OPCML: variants seen among roughly 807,000 people sequenced by gnomAD.
OPCML encodes opioid-binding protein/cell adhesion molecule.
OPCML carries 13 observed loss-of-function variants against 37.8 expected under a neutral mutation model. The observed-to-expected ratio is 0.34, with a 90% CI of 0.22 to 0.55. OPCML has a LOEUF of 0.55. Ranked by LOEUF, OPCML falls within the 20% of genes least tolerant of loss-of-function variation. The probability of loss-of-function intolerance (pLI) is 0.91; values close to 1 mark genes in which losing one functional copy is unlikely to be tolerated. For synonymous variants in OPCML, 176 were observed against 168.8 expected (o/e 1.04, Z -0.33); for missense variants, 341 against 435.6 (o/e 0.78, Z 1.93).
At chr11:132,826,442 A>AC (rs1591661918) in intron 2 of OPCML, among the ~76,000 whole-genome samples, 1 of 152,236 alleles carries the variant, frequency 6.6e-6, no homozygotes, top group East Asian at 1.9e-4. Flanking sequence ...TAGTGAAATA[A>AC]CCCCCAGTGA....
intron 1 of OPCML, among the ~76,000 whole-genome samples, chr11:133,345,991 G>A (rs1943993982): frequency 6.6e-6 from 1 of 152,196 alleles, no homozygotes; most frequent in South Asian, 2.1e-4. Flanking sequence ...TCAGAAGCCA[G>A]AAGATTTTAC....
intron 4 of OPCML, among the ~76,000 whole-genome samples, chr11:132,509,043 G>T (rs2096263329): frequency 6.6e-6 from 1 of 152,184 alleles, no homozygotes. Flanking sequence ...TGCCAATAAT[G>T]ATATGAATAA....
At chr11:133,483,412 TTAAA>T (rs1260344205) in intron 1 of OPCML, among the ~76,000 whole-genome samples, 1 of 151,646 alleles carries the variant, frequency 6.6e-6, no homozygotes, top group Non-Finnish European at 1.5e-5. Context: ...GATTGATAGA[TTAAA>T]TAGATAGATA....
At chr11:132,687,926 C>T (rs1019842198) in intron 2 of OPCML, among the ~76,000 whole-genome samples, 3 of 152,074 alleles carry the variant, frequency 2.0e-5, no homozygotes, top group South Asian at 2.1e-4. Context: ...AAATTGGGCT[C>T]TCTGTGATTT....
intron 1 of OPCML, among the ~76,000 whole-genome samples, chr11:133,498,732 A>G (rs1456279523): frequency 6.6e-6 from 1 of 152,240 alleles, no homozygotes; most frequent in Non-Finnish European, 1.5e-5. Flanking sequence ...TAGGAAGGAT[A>G]TGAAAACCAG....
At chr11:133,002,832 C>A (rs1245052741) in intron 1 of OPCML, among the ~76,000 whole-genome samples, 2 of 152,014 alleles carry the variant, frequency 1.3e-5, no homozygotes, top group Admixed American at 6.6e-5. Context: ...ATCAGTTGAC[C>A]AATCCTATAA....
At chr11:132,995,328 T>C (rs1946861459) in intron 1 of OPCML, among the ~76,000 whole-genome samples, 1 of 152,126 alleles carries the variant, frequency 6.6e-6, no homozygotes, top group Admixed American at 6.5e-5. Flanking sequence ...GGGCTAAGGC[T>C]CTTACTCAAT....
intron 3 of OPCML, among the ~76,000 whole-genome samples, chr11:132,624,122 T>A (rs1034938867): frequency 5.3e-5 from 8 of 152,240 alleles, no homozygotes; most frequent in African/African-American, 1.9e-4. Flanking sequence ...CAACTATTCT[T>A]CAACATTTAT....
At chr11:133,503,214 G>T (rs80280420) in intron 1 of OPCML, among the ~76,000 whole-genome samples, 10,583 of 152,220 alleles carry the variant, frequency 0.07, 1,190 homozygotes, top group African/African-American at 0.24. Context: ...TTGAAACTCA[G>T]ATCTGTGGGA....
chr11:133,294,880 G>C (rs4584584), intron 1 of OPCML, among the ~76,000 whole-genome samples: 1 of 141,172 alleles, frequency 7.1e-6, no homozygotes, highest in Non-Finnish European at 1.5e-5. Flanking sequence ...CTGGAGTGCA[G>C]TGGTGCAGTC....
intron 7 of OPCML, among the ~76,000 whole-genome samples, chr11:132,422,862 ATG>A (rs2095964669): frequency 6.6e-6 from 1 of 152,192 alleles, no homozygotes; most frequent in African/African-American, 2.4e-5. Context: ...CCACAGTATC[ATG>A]GTGTGAGAGA....
chr11:133,494,936 T>TG (rs1256321662), intron 1 of OPCML, among the ~76,000 whole-genome samples: 1 of 152,158 alleles, frequency 6.6e-6, no homozygotes, highest in Non-Finnish European at 1.5e-5. Flanking sequence ...CATAAGTTAT[T>TG]GGGGTACAGG....
chr11:132,434,652 G>T (rs937235226), intron 7 of OPCML, among the ~76,000 whole-genome samples: 7 of 152,148 alleles, frequency 4.6e-5, no homozygotes, highest in Non-Finnish European at 1.0e-4. Context: ...CTAGAAACCA[G>T]TACACGTTTG....
intron 4 of OPCML, among the ~76,000 whole-genome samples, chr11:132,509,924 G>A (rs2096265282): frequency 6.6e-6 from 1 of 152,128 alleles, no homozygotes; most frequent in Non-Finnish European, 1.5e-5. Flanking sequence ...CTGCAGAATG[G>A]TAGATCTACC....
At chr11:132,600,820 T>A (rs1937821584) in intron 3 of OPCML, among the ~76,000 whole-genome samples, 1 of 151,514 alleles carries the variant, frequency 6.6e-6, no homozygotes, top group Non-Finnish European at 1.5e-5. Context: ...AGTAAATATC[T>A]GTTGATTCAA....
chr11:132,828,822 A>G (rs896787650), intron 2 of OPCML, among the ~76,000 whole-genome samples: 2 of 152,172 alleles, frequency 1.3e-5, no homozygotes, highest in African/African-American at 4.8e-5. Context: ...TTTCCCAAAA[A>G]GTGCCTAAGT....
intron 2 of OPCML, among the ~76,000 whole-genome samples, chr11:132,898,688 C>T (rs1260763129): frequency 6.6e-6 from 1 of 152,158 alleles, no homozygotes; most frequent in Non-Finnish European, 1.5e-5. Flanking sequence ...TGTCACCACT[C>T]ACCAATACCC....
At chr11:133,204,886 A>ATATGTGTATATATATATATATATGTG (rs1555114219) in intron 1 of OPCML, among the ~76,000 whole-genome samples, 1 of 42,604 alleles carries the variant, frequency 2.3e-5, no homozygotes, top group Non-Finnish European at 6.9e-5. Context: ...ATATATATAT[A>ATATGTGTATATATATATATATATGTG]TATATATATA....
chr11:133,343,322 G>A (rs1294614220), intron 1 of OPCML, among the ~76,000 whole-genome samples: 1 of 152,060 alleles, frequency 6.6e-6, no homozygotes, highest in African/African-American at 2.4e-5. Context: ...TTTAACTATG[G>A]GGCTGACACT....
Sources: gnomAD v4.1 joint callset for allele counts (sites outside exome capture counted in the v4.1 genomes callset) on GRCh38, gnomAD v4.1.1 for gene constraint, MANE v1.5 for transcripts, NCBI Gene and HGNC (gene_info 2026-07-23, HGNC 2026-07-21) for gene names.